Variants in ERCC1 observed in about 807,000 individuals in gnomAD.
ERCC1 encodes the protein ERCC excision repair 1, endonuclease non-catalytic subunit, also known as DNA excision repair protein ERCC-1.
Under a neutral mutation model 37.6 loss-of-function variants are expected in ERCC1, and 36 were observed. The ratio of observed to expected loss-of-function variants is 0.96; its 90% CI spans 0.73 to 1.26. The LOEUF is 1.26. Among genes scored for constraint, ERCC1 ranks in the 50% most tolerant of loss-of-function variants. ERCC1 has a pLI of 0.00. For missense variants in ERCC1, 349 were observed against 376.5 expected, an observed-to-expected ratio of 0.93 and a Z score of 0.60; for synonymous variants, 156 against 162.1, an observed-to-expected ratio of 0.96 and a Z score of 0.28.
intron 1 of ERCC1, among the ~76,000 whole-genome samples, chr19:45,439,427 G>A (rs1167678983): frequency 6.6e-6 from 1 of 152,204 alleles, no homozygotes; most frequent in East Asian, 1.9e-4. Context: ...GCCGGGTGCA[G>A]TGGCTCAGGC....
At chr19:45,425,754 T>C (rs1003680804), upstream of ERCC1, among the ~76,000 whole-genome samples, 9 of 152,216 alleles carry the variant, frequency 5.9e-5, no homozygotes, top group African/African-American at 2.2e-4. Flanking sequence ...GTAGATCTTT[T>C]CTCCACTGTT....
intron 1 of ERCC1, 170 bp from the exon 2 acceptor site, chr19:45,423,551 C>T (rs1196876794): frequency 4.9e-6 from 7 of 1,438,098 alleles, no homozygotes; most frequent in Non-Finnish European, 6.4e-6. Flanking sequence ...CTTTGACCTC[C>T]ACCTTCGGCT....
upstream of ERCC1, among the ~76,000 whole-genome samples, chr19:45,426,469 T>G (rs1480869260): frequency 6.6e-6 from 1 of 150,820 alleles, no homozygotes; most frequent in African/African-American, 2.5e-5. Context: ...GAGAATTGCT[T>G]GAACCCTGGA....
At chr19:45,448,413 G>A (rs1333649704) in intron 1 of ERCC1, among the ~76,000 whole-genome samples, 1 of 152,132 alleles carries the variant, frequency 6.6e-6, no homozygotes, top group Non-Finnish European at 1.5e-5. Flanking sequence ...AACAACCTGA[G>A]GGAGAGTTAA....
intron 1 of ERCC1, among the ~76,000 whole-genome samples, chr19:45,433,318 G>C (rs1427879098): frequency 2.0e-5 from 3 of 152,068 alleles, no homozygotes; most frequent in Admixed American, 1.3e-4. Context: ...CAGAGGTCAG[G>C]AGTTCAAGAC....
At chr19:45,410,596 T>TGTGTGTGTGTGTGTGTGG (rs896460788) in intron 9 of ERCC1, 24 of 151,722 alleles carry the variant, frequency 1.6e-4, no homozygotes, top group African/African-American at 5.6e-4. Flanking sequence ...TGTGTGTGTG[T>TGTGTGTGTGTGTGTGTGG]GGTACCCATT....
upstream of ERCC1, among the ~76,000 whole-genome samples, chr19:45,425,379 G>GATTTATTT (rs575392209): frequency 2.0e-5 from 3 of 151,692 alleles, no homozygotes; most frequent in Non-Finnish European, 2.9e-5. Context: ...ATCTATGTAA[G>GATTTATTT]ATTTATTTAT....
intron 1 of ERCC1, among the ~76,000 whole-genome samples, chr19:45,447,895 A>G (rs1357759476): frequency 6.9e-6 from 1 of 145,374 alleles, no homozygotes; most frequent in Non-Finnish European, 1.5e-5. Context: ...TTTTTGAGAT[A>G]GTATCTTGCT....
intron 1 of ERCC1, among the ~76,000 whole-genome samples, chr19:45,438,450 GTGTT>G (rs772074589): frequency 1.4e-3 from 220 of 151,936 alleles, no homozygotes; most frequent in African/African-American, 2.1e-3. Flanking sequence ...TATTTTTTAT[GTGTT>G]TGTTTGTTTG....
At chr19:45,436,321 A>G (rs535076885) in intron 1 of ERCC1, among the ~76,000 whole-genome samples, 2 of 152,296 alleles carry the variant, frequency 1.3e-5, no homozygotes, top group African/African-American at 4.8e-5. Context: ...TCCCCAATTC[A>G]GTGACTTAAA....
rs996044348 is a variant in ERCC1, at chr19:45,421,856, C to T, written c.106-463G>A. Among the ~76,000 whole-genome samples, 9 of 152,136 alleles carry T rather than the reference C, an allele frequency of 5.9e-5. No homozygotes were observed. The Middle Eastern group carries it at 0.01, about 172-fold the overall frequency. On this transcript the variant is annotated intron_variant, in intron 2 of 9. Transcript: ENST00000300853. ...ACATGTTGTCCAGGCTGATCTCGAACTCCTGACCTCAGGTGATCCGCCCGC... is the reference window on the plus strand; with the variant it reads ...ACATGTTGTCCAGGCTGATCTCGAATTCCTGACCTCAGGTGATCCGCCCGC...
At chr19:45,418,907 G>T (rs1974226791) in intron 5 of ERCC1, among the ~76,000 whole-genome samples, 191 bp downstream of exon 5, 1 of 152,190 alleles carries the variant, frequency 6.6e-6, no homozygotes, top group Non-Finnish European at 1.5e-5. Flanking sequence ...GGGATGTGGG[G>T]AAAGAGGAAA....
Position 45,419,155 on chromosome 19 carries a change from C to T in ERCC1, c.468G>A (p.Arg156=), listed in dbSNP as rs748656673. ...HNLHPDYIHG[R]LQSLGKNFAL... The stretch of plus-strand genomic sequence containing the variant: ...CGAAGTTCTTCCCCAGGCTCTGCAG[C>T]CGCCCATGGATGTAGTCTGGGTGCA... Residue 156 remains arginine, a synonymous_variant, in exon 5 of 10, where the codon CGG becomes CGA. Transcript: ENST00000300853. 5.0e-6 allele frequency: 8 copies of T among 1,598,354 alleles called. No homozygotes were observed. The South Asian group carries it at 7.9e-5, about 16-fold the overall frequency.
At chr19:45,440,406 G>A (rs1195918125) in intron 1 of ERCC1, among the ~76,000 whole-genome samples, 1 of 152,150 alleles carries the variant, frequency 6.6e-6, no homozygotes, top group Non-Finnish European at 1.5e-5. Context: ...AGAGCAGGGC[G>A]AGAGGATCAC....
chr19:45,450,146 AGTCACAG>A (rs750294438), intron 1 of ERCC1, among the ~76,000 whole-genome samples: 2 of 152,162 alleles, frequency 1.3e-5, no homozygotes, highest in Non-Finnish European at 2.9e-5. Flanking sequence ...GCTCAGAGGA[AGTCACAG>A]GTCAAGGTTC....
chr19:45,409,274 G>A lies in ERCC1; in HGVS notation c.*401C>T, dbSNP rs1973539223. 1 of 1,613,802 alleles carries A rather than the reference G, an allele frequency of 6.2e-7. No individual in the cohort carries two copies. The highest frequency in any genetic ancestry group is 8.5e-7 in the Non-Finnish European group (1 of 1,179,908). Reference sequence around the variant, plus strand: ...GAAAGAGAGAGGTCACACAGTGACTGAGCCAATTCAGCCACTAGAGCCTGA... The same window carrying A: ...GAAAGAGAGAGGTCACACAGTGACTAAGCCAATTCAGCCACTAGAGCCTGA... On this transcript the variant is annotated 3_prime_UTR_variant, in exon 10 of 10. Transcript: ENST00000300853.
chr19:45,431,677 C>A (rs1027682274), intron 1 of ERCC1, among the ~76,000 whole-genome samples: 50 of 132,314 alleles, frequency 3.8e-4, no homozygotes, highest in African/African-American at 3.1e-4. Context: ...AACTCCATCT[C>A]AAAAAAAAAA....
At chr19:45,443,159 A>C (rs1317374205) in intron 1 of ERCC1, among the ~76,000 whole-genome samples, 1 of 152,026 alleles carries the variant, frequency 6.6e-6, no homozygotes, top group Non-Finnish European at 1.5e-5. Context: ...CCTGGATGTG[A>C]GGGTCCATCT....
intron 9 of ERCC1, chr19:45,410,531 T>C (rs913738303): frequency 6.6e-6 from 1 of 150,666 alleles, no homozygotes; most frequent in Admixed American, 6.7e-5. Context: ...CACCTGGTTG[T>C]GTTATCAAAT....
Sources: allele counts gnomAD v4.1 joint callset (sites outside exome capture counted in the v4.1 genomes callset), GRCh38; gene constraint gnomAD v4.1.1; transcripts MANE v1.5; gene names NCBI Gene and HGNC (gene_info 2026-07-23, HGNC 2026-07-21).